Variants in SNX2 observed in about 807,000 individuals in gnomAD.
The protein encoded by SNX2 is sorting nexin 2.
SNX2 carries 25 observed loss-of-function variants against 69.9 expected under a neutral mutation model. That is an observed-to-expected ratio of 0.36 (90% CI 0.26 to 0.50). SNX2 has a LOEUF of 0.50. SNX2 is among the 20% of genes least tolerant of loss of function. The pLI is 0.97. For missense variants in SNX2, 551 were observed against 613.3 expected (o/e 0.90, Z 1.07); for synonymous variants, 229 against 200.4 (o/e 1.14, Z -1.20).
At chr5:122,808,172 TGTTAA>T in intron 6 of SNX2, 100 bp from the exon 7 acceptor site, 1 of 682,664 alleles carries the variant, frequency 1.5e-6, no homozygotes, top group Non-Finnish European at 2.4e-6. Context: ...AGTTTAGGGC[TGTTAA>T]GTTCAAATTT....
At chr5:122,815,271 TAGATA>T (rs1219354275) in intron 7 of SNX2, among the ~76,000 whole-genome samples, 3 of 152,192 alleles carry the variant, frequency 2.0e-5, no homozygotes, top group African/African-American at 4.8e-5. Flanking sequence ...GGTATCAAAT[TAGATA>T]AGACATTTAC....
Position 122,827,441 on chromosome 5 carries a change from A to G in SNX2, c.1419A>G (p.Lys473=). The change falls in exon 13 of 15, where the codon AAA becomes AAG. Residue 473 remains lysine (K), a synonymous_variant. Transcript: ENST00000379516. ...DFEQISKTIR[K]EVGRFEKERV... ...AACAGATATCTAAAACGATTCGAAAAGAAGTGGGAAGATTTGAGGCATGTA... is the reference window on the plus strand; with the variant it reads ...AACAGATATCTAAAACGATTCGAAAGGAAGTGGGAAGATTTGAGGCATGTA... The G allele has an allele frequency of 1.9e-6, 3 of 1,613,554 alleles. No homozygotes were observed. The highest frequency in any genetic ancestry group is 2.5e-6 in the Non-Finnish European group (3 of 1,179,624).
intron 2 of SNX2, among the ~76,000 whole-genome samples, chr5:122,798,779 T>G (rs1326142474): frequency 1.3e-5 from 2 of 152,168 alleles, no homozygotes; most frequent in East Asian, 3.8e-4. Flanking sequence ...CTCTACCCAT[T>G]TCAGTCTTCT....
At chr5:122,786,897 G>C (rs1000281803) in intron 1 of SNX2, among the ~76,000 whole-genome samples, 1 of 152,140 alleles carries the variant, frequency 6.6e-6, no homozygotes, top group African/African-American at 2.4e-5. Context: ...TTTAATTGAA[G>C]AGATACTAGC....
At chr5:122,801,785 C>A in intron 3 of SNX2, 84 bp from the exon 4 acceptor site, 1 of 852,800 alleles carries the variant, frequency 1.2e-6, no homozygotes, top group East Asian at 2.7e-5. Flanking sequence ...GTGACTCTTA[C>A]AGAAAATAGA....
chr5:122,821,277 A>G (rs1754014890), intron 11 of SNX2, among the ~76,000 whole-genome samples: 1 of 152,178 alleles, frequency 6.6e-6, no homozygotes, highest in Non-Finnish European at 1.5e-5. Flanking sequence ...GTGTCTTTAC[A>G]GAATTAGCTA....
chr5:122,803,788 A>G, intron 6 of SNX2, 175 bp downstream of exon 6: 1 of 509,930 alleles, frequency 2.0e-6, no homozygotes, highest in Non-Finnish European at 3.4e-6. Context: ...ATGTATTGGT[A>G]ATAGTTTTAT....
intron 1 of SNX2, among the ~76,000 whole-genome samples, chr5:122,789,345 A>G (rs2150002839): frequency 6.6e-6 from 1 of 152,240 alleles, no homozygotes; most frequent in Non-Finnish European, 1.5e-5. Flanking sequence ...ATTCATTCAC[A>G]GAATTAGGGG....
In SNX2 at chr5:122,834,211, A is replaced by G. The variant is rs1754357759; in HGVS notation, c.*4563A>G. ...ACTTATTTCTTCCAACTGTTGCTTC[A>G]GACGCTGATAAGATTGTAGAAGATA... On this transcript the variant is annotated 3_prime_UTR_variant, in exon 15 of 15. Coordinates refer to ENST00000379516, the MANE Select transcript of SNX2 (RefSeq NM_003100.4). The G allele has an allele frequency of 6.6e-6, 1 of 152,256 alleles. No homozygotes were observed. Among genetic ancestry groups the G allele is most frequent in the Non-Finnish European group, 1.5e-5 (1 of 68,034 alleles). The allele number at this position is 152,256 out of a possible 1,614,324, so 9.4% of individuals were successfully genotyped here.
chr5:122,800,315 G>C (rs771410587), intron 3 of SNX2, among the ~76,000 whole-genome samples: 11 of 152,116 alleles, frequency 7.2e-5, no homozygotes, highest in South Asian at 6.2e-4. Context: ...ATTTGGAAAA[G>C]AAAAATTATA....
At chr5:122,789,484 C>CGG (rs1753176724) in intron 1 of SNX2, among the ~76,000 whole-genome samples, 7 of 143,150 alleles carry the variant, frequency 4.9e-5, no homozygotes, top group Middle Eastern at 3.5e-3. Context: ...GACACACACA[C>CGG]ACACACACAC....
At chr5:122,775,011 G>T (rs1752821107), upstream of SNX2, 2 of 1,248,174 alleles carry the variant, frequency 1.6e-6, no homozygotes, top group East Asian at 3.3e-5. Flanking sequence ...GGCCGGGGGC[G>T]GGGAGGCTGG....
intron 1 of SNX2, among the ~76,000 whole-genome samples, chr5:122,784,407 A>C (rs1410972763): frequency 6.6e-6 from 1 of 151,868 alleles, no homozygotes; most frequent in Non-Finnish European, 1.5e-5. Flanking sequence ...GTTTTTATCC[A>C]TGAACGGATG....
chr5:122,791,030 A>G (rs1753222570), intron 1 of SNX2, among the ~76,000 whole-genome samples: 1 of 151,444 alleles, frequency 6.6e-6, no homozygotes, highest in Admixed American at 6.6e-5. Flanking sequence ...GATATCCTCT[A>G]TTACTAGCTT....
rs186221644 is a variant in SNX2, at chr5:122,819,004, G to A, written c.1193G>A (p.Arg398His). ...TCAGAACTACTTAGTGACTACATTC[G>A]TCTTATTGCTGCAGTGAAAGTAAGC... is the stretch of plus-strand genomic sequence containing the variant. ...MFSELLSDYI[R>H]LIAAVKGVFD... The change falls in exon 11 of 15, where the codon CGT (arginine) becomes CAT (histidine). Residue 398 changes from arginine to histidine, a missense_variant. Physicochemically the swap from Arg to His is conservative, Grantham distance 29. This residue lies in a region of SNX2 where 360 missense variants were observed against 450.4 expected (regional missense o/e 0.80). Coordinates refer to ENST00000379516, the MANE Select transcript of SNX2 (RefSeq NM_003100.4). 2.2e-5 allele frequency: 36 copies of A among 1,613,474 alleles called. No individual in the cohort carries two copies. Among genetic ancestry groups the A allele is most frequent in the Non-Finnish European group, 2.9e-5 (34 of 1,179,596 alleles).
chr5:122,810,907 AATCTT>A (rs1195243471), intron 7 of SNX2, among the ~76,000 whole-genome samples: 4 of 152,216 alleles, frequency 2.6e-5, no homozygotes, highest in African/African-American at 7.2e-5. Context: ...CTTTTAATCT[AATCTT>A]AATTCTTCTG....
chr5:122,784,275 G>A (rs1308071395), intron 1 of SNX2, among the ~76,000 whole-genome samples: 1 of 150,194 alleles, frequency 6.7e-6, no homozygotes, highest in Non-Finnish European at 1.5e-5. Context: ...GAATAAAAGT[G>A]GTGATAGTGA....
Position 122,813,200 on chromosome 5 carries a change from C to A in SNX2, c.723-2696C>A, listed in dbSNP as rs186002567. Among the ~76,000 whole-genome samples the A allele has an allele frequency of 5.3e-4, 81 of 151,938 alleles. No homozygotes were observed. The Middle Eastern group carries it at 0.017, about 32-fold the overall frequency. On this transcript the variant is annotated intron_variant, in intron 7 of 14. Transcript: ENST00000379516. ...TTACAACCATCTCTGGTCTTAATTC[C>A]GAATTGGCATATGTTTATAAATATT...
intron 1 of SNX2, among the ~76,000 whole-genome samples, chr5:122,777,614 A>G (rs988445710): frequency 2.0e-5 from 3 of 152,382 alleles, no homozygotes; most frequent in African/African-American, 7.2e-5. Context: ...AAATCAAATT[A>G]TAGAAAGCTT....
Sources: gnomAD v4.1 joint callset for allele counts (sites outside exome capture counted in the v4.1 genomes callset) on GRCh38, gnomAD v4.1.1 for gene constraint, gnomAD v4.1.1 regional missense constraint, MANE v1.5 for transcripts, NCBI Gene and HGNC (gene_info 2026-07-23, HGNC 2026-07-21) for gene names.